Variants in NEMP2 observed in about 807,000 individuals in gnomAD.
The protein encoded by NEMP2 is UPF0571 transmembrane protein.
A neutral mutation model predicts 54.2 loss-of-function variants in NEMP2; 53 were observed. The observed-to-expected ratio is 0.98, with a 90% CI of 0.78 to 1.23. The LOEUF (loss-of-function observed/expected upper bound fraction) is 1.23, where lower values mean the gene tolerates loss of function less well. NEMP2 is among the 50% of genes most tolerant of loss of function. The pLI is 0.00. For missense variants in NEMP2, 455 were observed against 511.3 expected, an observed-to-expected ratio of 0.89 and a Z score of 1.06; for synonymous variants, 197 against 190.3, an observed-to-expected ratio of 1.04 and a Z score of -0.29.
the NEMP2 span, among the ~76,000 whole-genome samples, chr2:190,565,529 G>A: frequency 1.3e-5 from 2 of 152,170 alleles, no homozygotes; most frequent in Non-Finnish European, 2.9e-5. Flanking sequence ...CAATATCTGT[G>A]GAAGGATACA....
the NEMP2 span, chr2:190,437,280 A>G: frequency 6.2e-6 from 10 of 1,614,114 alleles, no homozygotes; most frequent in Non-Finnish European, 8.5e-6. This position sits in a 1 kb window ranked among gnomAD's most constrained non-coding sequence, Gnocchi z 5.9. Flanking sequence ...ACAACTCTAC[A>G]GAGTCCTCTG....
the NEMP2 span, among the ~76,000 whole-genome samples, chr2:190,581,106 G>C: frequency 6.6e-6 from 1 of 152,080 alleles, no homozygotes; most frequent in Non-Finnish European, 1.5e-5. Context: ...TGTCCATCTG[G>C]AACATAACTA....
chr2:190,561,444 C>T, the NEMP2 span, among the ~76,000 whole-genome samples: 21 of 152,172 alleles, frequency 1.4e-4, no homozygotes, highest in Non-Finnish European at 2.8e-4. This position sits in a 1 kb window ranked among gnomAD's most constrained non-coding sequence, Gnocchi z 5.4. Flanking sequence ...TCTTCTGAGA[C>T]CTCTCTCCTT....
chr2:190,588,401 G>A, the NEMP2 span, among the ~76,000 whole-genome samples: 1 of 152,284 alleles, frequency 6.6e-6, no homozygotes, highest in African/African-American at 2.4e-5. The surrounding 1 kb of genome is among the most constrained non-coding windows in gnomAD (Gnocchi z 5.0). Context: ...AAAATGATTA[G>A]AGATGGGGCC....
At chr2:190,485,703 G>A in the NEMP2 span, among the ~76,000 whole-genome samples, 35,175 of 151,608 alleles carry the variant, frequency 0.23, 5,042 homozygotes, top group South Asian at 0.34. This position sits in a 1 kb window ranked among gnomAD's most constrained non-coding sequence, Gnocchi z 5.1. Context: ...ATTATCTAGG[G>A]TATTGCAATT....
At chr2:190,577,360 T>TA in the NEMP2 span, among the ~76,000 whole-genome samples, 3 of 152,228 alleles carry the variant, frequency 2.0e-5, no homozygotes, top group Non-Finnish European at 4.4e-5. The surrounding 1 kb of genome is among the most constrained non-coding windows in gnomAD (Gnocchi z 4.8). Flanking sequence ...AAACAGTATC[T>TA]ATTTCGCTTA....
the NEMP2 span, among the ~76,000 whole-genome samples, chr2:190,581,821 T>C: frequency 6.6e-6 from 1 of 152,184 alleles, no homozygotes; most frequent in East Asian, 1.9e-4. Context: ...CCATTTATAT[T>C]GGTTCCCAAG....
At chr2:190,480,737 A>C in the NEMP2 span, among the ~76,000 whole-genome samples, 9 of 152,318 alleles carry the variant, frequency 5.9e-5, no homozygotes, top group Admixed American at 3.9e-4. Context: ...AATCTCTCTA[A>C]GCCACAGACT....
rs1241047677 is a variant in NEMP2, at chr2:190,530,662, C to G, written c.97+3897G>C. 2.0e-5 allele frequency among the ~76,000 whole-genome samples: 3 copies of G among 152,192 alleles called. No individual in the cohort carries two copies. Among genetic ancestry groups the G allele is most frequent in the Non-Finnish European group, 4.4e-5 (3 of 68,044 alleles). Reference sequence around the variant, plus strand: ...CTTCTTCTAGAGCCATTTCACTGCTCGGTTTCAATCATGTCCAATGGAAAC... The same window carrying G: ...CTTCTTCTAGAGCCATTTCACTGCTGGGTTTCAATCATGTCCAATGGAAAC... On this transcript the variant is annotated intron_variant, in intron 1 of 8. Coordinates refer to ENST00000409150, the MANE Select transcript of NEMP2 (RefSeq NM_001142645.2). The surrounding 1 kb of genome is among the most constrained non-coding windows in gnomAD (Gnocchi z 4.6).
the NEMP2 span, among the ~76,000 whole-genome samples, chr2:190,632,227 G>A: frequency 3.3e-5 from 5 of 152,232 alleles, no homozygotes; most frequent in Non-Finnish European, 7.3e-5. This position sits in a 1 kb window ranked among gnomAD's most constrained non-coding sequence, Gnocchi z 4.8. Context: ...CTCTGTGGAA[G>A]TATGGTCCTG....
At chr2:190,565,079 G>C in the NEMP2 span, among the ~76,000 whole-genome samples, 1 of 152,138 alleles carries the variant, frequency 6.6e-6, no homozygotes, top group Non-Finnish European at 1.5e-5. Flanking sequence ...CTTATGTATG[G>C]AACAGTCAAC....
chr2:190,641,204 G>T, the NEMP2 span: 1 of 151,880 alleles, frequency 6.6e-6, no homozygotes, highest in African/African-American at 2.4e-5. Flanking sequence ...ATCTACTTTA[G>T]TTACTTGTCA....
chr2:190,530,069 CAT>C lies in NEMP2; in HGVS notation c.97+4488_97+4489del, dbSNP rs1286976684. ...GGCATTAAGCTTCTTTTGTTTGACT[CAT>C]ATATGATACATCAGTGTATTCTGGG... On this transcript the variant is annotated intron_variant, in intron 1 of 8. Transcript: ENST00000409150. The surrounding 1 kb of genome is among the most constrained non-coding windows in gnomAD (Gnocchi z 4.6). 2.0e-5 allele frequency among the ~76,000 whole-genome samples: 3 copies of C among 152,204 alleles called. No individual in the cohort carries two copies. Among genetic ancestry groups the C allele is most frequent in the Admixed American group, 2.0e-4 (3 of 15,280 alleles).
At chr2:190,615,107 T>C in the NEMP2 span, among the ~76,000 whole-genome samples, 1 of 152,234 alleles carries the variant, frequency 6.6e-6, no homozygotes, top group African/African-American at 2.4e-5. This position sits in a 1 kb window ranked among gnomAD's most constrained non-coding sequence, Gnocchi z 4.7. Context: ...ACCAATTAGG[T>C]GTCCTACAAT....
the NEMP2 span, among the ~76,000 whole-genome samples, chr2:190,473,808 G>C: frequency 6.6e-6 from 1 of 152,070 alleles, no homozygotes; most frequent in East Asian, 1.9e-4. Context: ...TGACCACATA[G>C]TTGGAAGTAA....
the NEMP2 span, among the ~76,000 whole-genome samples, chr2:190,633,398 C>T: frequency 6.6e-6 from 1 of 150,794 alleles, no homozygotes; most frequent in Non-Finnish European, 1.5e-5. Flanking sequence ...ACTGCAGCCT[C>T]TGCGTCTCGG....
At chr2:190,482,903 T>TTTTTTTTTTTTTTTTTTTTTG in the NEMP2 span, among the ~76,000 whole-genome samples, 59 of 86,250 alleles carry the variant, frequency 6.8e-4, 24 homozygotes, top group Non-Finnish European at 8.6e-4. Flanking sequence ...TTTTTTTTTT[T>TTTTTTTTTTTTTTTTTTTTTG]AGACGGAGTC....
the NEMP2 span, among the ~76,000 whole-genome samples, chr2:190,618,402 A>G: frequency 6.6e-6 from 1 of 152,192 alleles, no homozygotes; most frequent in African/African-American, 2.4e-5. Context: ...CTTTATGAGA[A>G]ACACCTAAAC....
At chr2:190,465,179 A>G in the NEMP2 span, among the ~76,000 whole-genome samples, 5 of 152,196 alleles carry the variant, frequency 3.3e-5, no homozygotes, top group Non-Finnish European at 7.3e-5. The surrounding 1 kb of genome is among the most constrained non-coding windows in gnomAD (Gnocchi z 4.6). Flanking sequence ...AATACAGGAT[A>G]AAAAACGAGT....
Sources: allele counts gnomAD v4.1 joint callset (sites outside exome capture counted in the v4.1 genomes callset), GRCh38; gene constraint gnomAD v4.1.1; non-coding constraint Gnocchi (gnomAD v3.1); transcripts MANE v1.5; gene names NCBI Gene and HGNC (gene_info 2026-07-23, HGNC 2026-07-21).